PIK3R1: variants seen among roughly 807,000 people sequenced by gnomAD.
PIK3R1 encodes the protein phosphatidylinositol 3-kinase regulatory subunit alpha.
Under a neutral mutation model 98.0 loss-of-function variants are expected in PIK3R1, and 29 were observed. The ratio of observed to expected loss-of-function variants is 0.30; its 90% CI spans 0.22 to 0.40. The LOEUF (loss-of-function observed/expected upper bound fraction) is 0.40, where lower values mean the gene tolerates loss of function less well. PIK3R1 is among the 10% of genes least tolerant of loss of function. The pLI, the probability that PIK3R1 is intolerant of heterozygous loss-of-function variation, is 1.00. For synonymous variants in PIK3R1, 282 were observed against 311.8 expected, an observed-to-expected ratio of 0.90 and a Z score of 1.01; for missense variants, 596 against 872.7, an observed-to-expected ratio of 0.68 and a Z score of 3.99.
At chr5:68,294,770 C>A in intron 12 of PIK3R1, 92 bp downstream of exon 12, 1 of 690,892 alleles carries the variant, frequency 1.4e-6, no homozygotes, top group Non-Finnish European at 1.9e-6. Flanking sequence ...TGAATGATCA[C>A]GTGGACACAG....
At chr5:68,275,299 G>T (rs1746527026) in intron 4 of PIK3R1, among the ~76,000 whole-genome samples, 1 of 152,126 alleles carries the variant, frequency 6.6e-6, no homozygotes, top group African/African-American at 2.4e-5. Context: ...TTGTTTTTCG[G>T]TGTTTCTGAC....
intron 1 of PIK3R1, among the ~76,000 whole-genome samples, chr5:68,220,238 A>G (rs1024090833): frequency 8.5e-5 from 13 of 152,190 alleles, no homozygotes; most frequent in African/African-American, 3.1e-4. Context: ...AGCTGCCTGA[A>G]TCTGAAGCTC....
intron 2 of PIK3R1, among the ~76,000 whole-genome samples, chr5:68,244,150 CT>C (rs1219239666): frequency 6.6e-6 from 1 of 152,066 alleles, no homozygotes; most frequent in Non-Finnish European, 1.5e-5. Flanking sequence ...ATATAAAAAC[CT>C]TTTTAAACTG....
At chr5:68,262,307 CA>C (rs1424672447) in intron 2 of PIK3R1, among the ~76,000 whole-genome samples, 1 of 150,870 alleles carries the variant, frequency 6.6e-6, no homozygotes, top group East Asian at 2.0e-4. Context: ...ACTCATTACT[CA>C]AATATCACCT....
chr5:68,295,129 A>G lies in PIK3R1; in HGVS notation c.1569-19A>G. 6.2e-7 allele frequency: 1 copy of G among 1,607,844 alleles called. No homozygotes were observed. Among genetic ancestry groups the G allele is most frequent in the Non-Finnish European group, 8.5e-7 (1 of 1,175,550 alleles). On this transcript the variant is annotated intron_variant, in intron 12 of 15. Transcript: ENST00000521381. The stretch of plus-strand genomic sequence containing the variant: ...CTGATGTACCCAGATAATAACAAAT[A>G]CGTTTCTTTTGCCTGCAGGATTATG...
intron 2 of PIK3R1, among the ~76,000 whole-genome samples, chr5:68,255,857 T>A (rs1745494180): frequency 1.3e-5 from 2 of 152,236 alleles, no homozygotes; most frequent in Admixed American, 1.3e-4. Context: ...GGGCTTTGGG[T>A]CTGCAAGACG....
intron 2 of PIK3R1, among the ~76,000 whole-genome samples, chr5:68,265,024 C>T (rs1746065126): frequency 6.6e-6 from 1 of 152,168 alleles, no homozygotes; most frequent in Non-Finnish European, 1.5e-5. Context: ...CATTGGGATT[C>T]TGTCTCCCAC....
At chr5:68,232,755 T>C (rs1744529904) in intron 2 of PIK3R1, among the ~76,000 whole-genome samples, 2 of 152,254 alleles carry the variant, frequency 1.3e-5, no homozygotes, top group African/African-American at 4.8e-5. Flanking sequence ...TTCTGTTCTA[T>C]ACACTTCTTT....
chr5:68,270,414 A>C (rs1746307535), intron 2 of PIK3R1, among the ~76,000 whole-genome samples: 1 of 152,160 alleles, frequency 6.6e-6, no homozygotes, highest in Non-Finnish European at 1.5e-5. Context: ...GAAATCTTTA[A>C]TTATCATTTA....
At chr5:68,233,597 T>C (rs1561261912) in intron 2 of PIK3R1, among the ~76,000 whole-genome samples, 1 of 152,246 alleles carries the variant, frequency 6.6e-6, no homozygotes, top group East Asian at 1.9e-4. Context: ...CCAATTTATG[T>C]AATATTTTAT....
chr5:68,217,602 A>G (rs1355381695), intron 1 of PIK3R1: 2 of 151,288 alleles, frequency 1.3e-5, no homozygotes, highest in South Asian at 2.1e-4. Context: ...TTTGACCAGT[A>G]TAAAGAAAAT....
At chr5:68,263,162 T>C (rs1258192108) in intron 2 of PIK3R1, among the ~76,000 whole-genome samples, 2 of 146,870 alleles carry the variant, frequency 1.4e-5, no homozygotes, top group Non-Finnish European at 3.0e-5. Flanking sequence ...TGTACATATA[T>C]CTACATATAT....
intron 5 of PIK3R1, 126 bp from the exon 6 acceptor site, chr5:68,280,402 C>G (rs1673755944): frequency 2.9e-6 from 2 of 694,898 alleles, no homozygotes; most frequent in Non-Finnish European, 5.0e-6. Flanking sequence ...GTGTGCTTCT[C>G]CCAACAACTT....
intron 1 of PIK3R1, among the ~76,000 whole-genome samples, chr5:68,222,634 TG>T (rs1218222520): frequency 6.6e-6 from 1 of 152,206 alleles, no homozygotes; most frequent in Non-Finnish European, 1.5e-5. Flanking sequence ...GCTGAGATGC[TG>T]GGTTTTGGAG....
intron 2 of PIK3R1, among the ~76,000 whole-genome samples, chr5:68,256,762 G>A (rs1020922866): frequency 6.6e-6 from 1 of 150,534 alleles, no homozygotes; most frequent in Non-Finnish European, 1.5e-5. Flanking sequence ...TGCCAAGCTG[G>A]GTTAAAAAAA....
intron 2 of PIK3R1, among the ~76,000 whole-genome samples, chr5:68,253,873 A>C (rs1200156375): frequency 6.6e-6 from 1 of 152,228 alleles, no homozygotes; most frequent in African/African-American, 2.4e-5. Context: ...AGCAGGTGGA[A>C]AGCTTATTTA....
intron 1 of PIK3R1, among the ~76,000 whole-genome samples, chr5:68,217,153 C>A (rs1040699854): frequency 6.6e-6 from 1 of 152,032 alleles, no homozygotes; most frequent in African/African-American, 2.4e-5. Context: ...TAAAGCAGTT[C>A]CGGGTTTTGA....
chr5:68,250,491 A>G (rs761833207), intron 2 of PIK3R1, among the ~76,000 whole-genome samples: 4 of 152,220 alleles, frequency 2.6e-5, no homozygotes, highest in Non-Finnish European at 5.9e-5. Flanking sequence ...AGAAGCTATG[A>G]TAAGTGAGTT....
At chr5:68,288,842 C>T in intron 7 of PIK3R1, 1 of 1,317,668 alleles carries the variant, frequency 7.6e-7, no homozygotes, top group Non-Finnish European at 1.1e-6. Flanking sequence ...TGTGCGTGCG[C>T]CCCTGTAAGC....
Sources: allele counts gnomAD v4.1 joint callset (sites outside exome capture counted in the v4.1 genomes callset), GRCh38; gene constraint gnomAD v4.1.1; transcripts MANE v1.5; gene names NCBI Gene and HGNC (gene_info 2026-07-23, HGNC 2026-07-21).